Variants in VWF observed in about 807,000 individuals in gnomAD.
The protein encoded by VWF is von Willebrand factor, also known as Factor VIII related antigen.
A neutral mutation model predicts 308.6 loss-of-function variants in VWF; 176 were observed. The observed-to-expected ratio is 0.57, with a 90% CI of 0.50 to 0.65. The LOEUF (loss-of-function observed/expected upper bound fraction) is 0.65. Among genes scored for constraint, VWF ranks in the 30% least tolerant of loss-of-function variants. The pLI, the probability that VWF is intolerant of heterozygous loss-of-function variation, is 0.00. For synonymous variants in VWF, 1,385 were observed against 1,443.4 expected, an observed-to-expected ratio of 0.96 and a Z score of 0.92; for missense variants, 3,146 against 3,648.2, an observed-to-expected ratio of 0.86 and a Z score of 3.55.
intron 38 of VWF, among the ~76,000 whole-genome samples, chr12:5,986,010 G>A (rs1943676602): frequency 6.6e-6 from 1 of 152,088 alleles, no homozygotes; most frequent in Non-Finnish European, 1.5e-5. Flanking sequence ...TGTTGCTTGG[G>A]GAAAAAAATC....
chr12:5,972,324 G>C (rs1418788727), intron 43 of VWF, among the ~76,000 whole-genome samples: 1 of 152,206 alleles, frequency 6.6e-6, no homozygotes, highest in Non-Finnish European at 1.5e-5. Context: ...AGCCCATCTT[G>C]CCTCTAGAAG....
intron 50 of VWF, 93 bp downstream of exon 50, chr12:5,951,751 G>A (rs577810234): frequency 3.3e-5 from 44 of 1,329,814 alleles, no homozygotes; most frequent in Non-Finnish European, 3.6e-5. Context: ...ACAGTCATGC[G>A]GCTTGCTAAT....
At chr12:5,999,292 G>C (rs1438397145) in intron 34 of VWF, among the ~76,000 whole-genome samples, 1 of 152,008 alleles carries the variant, frequency 6.6e-6, no homozygotes, top group Non-Finnish European at 1.5e-5. Context: ...AAAAACACAC[G>C]CAATATTTGG....
intron 6 of VWF, among the ~76,000 whole-genome samples, chr12:6,092,846 T>C (rs192635676): frequency 1.3e-5 from 2 of 152,230 alleles, no homozygotes; most frequent in Admixed American, 6.5e-5. Flanking sequence ...ATGTGGGACA[T>C]ATGTAACATG....
intron 5 of VWF, among the ~76,000 whole-genome samples, chr12:6,099,302 G>C (rs1014649223): frequency 7.7e-6 from 1 of 129,524 alleles, no homozygotes; most frequent in African/African-American, 2.9e-5. Flanking sequence ...CTGGGGGACA[G>C]AGCAAGACTC....
intron 47 of VWF, among the ~76,000 whole-genome samples, chr12:5,964,282 A>ACATG (rs1457521789): frequency 4.2e-5 from 6 of 143,366 alleles, no homozygotes; most frequent in African/African-American, 1.8e-4. Flanking sequence ...ATGCATACAT[A>ACATG]CATGCATACA....
intron 2 of VWF, chr12:6,122,756 A>G (rs371848807): frequency 2.4e-5 from 13 of 539,890 alleles, no homozygotes; most frequent in African/African-American, 2.1e-4. Context: ...ACTTTGGAGC[A>G]GTCATTTCTC....
At chr12:5,986,135 T>G (rs892459121) in intron 38 of VWF, among the ~76,000 whole-genome samples, 1 of 152,208 alleles carries the variant, frequency 6.6e-6, no homozygotes, top group Middle Eastern at 3.4e-3. Context: ...GAGGCCTGAG[T>G]GCAGTTCTCT....
At chr12:5,964,016 G>A (rs1051877726) in intron 47 of VWF, among the ~76,000 whole-genome samples, 5 of 146,210 alleles carry the variant, frequency 3.4e-5, no homozygotes, top group African/African-American at 5.6e-5. Flanking sequence ...GACCATTCTG[G>A]TTAACACGGT....
At position 6,021,988 on chromosome 12, in the gene VWF, A is replaced by G. The variant is rs61749365; in HGVS notation, c.3586T>C (p.Cys1196Arg). The change falls in exon 27 of 52, where the codon TGT (cysteine) becomes CGT (arginine). Residue 1196 changes from cysteine (C) to arginine (R), a missense_variant. Physicochemically the swap from Cys to Arg is radical, Grantham distance 180. Around this residue, in one of 3 missense-constraint regions of VWF, gnomAD observed 853 missense variants for 1,177.8 expected, o/e 0.72. Transcript: ENST00000261405. Reference sequence around the variant, plus strand: ...CGGCCAGCCACCTCACACACTGGACAGTCTTCAGGGTCAACGCAGGTCTGC... The same window carrying G: ...CGGCCAGCCACCTCACACACTGGACGGTCTTCAGGGTCAACGCAGGTCTGC... ...LLQTCVDPED[C>R]PVCEVAGRRF... The G allele has an allele frequency of 1.2e-6, 2 of 1,614,220 alleles. No individual in the cohort carries two copies. The highest frequency in any genetic ancestry group is 1.1e-5 in the South Asian group (1 of 91,084).
intron 43 of VWF, among the ~76,000 whole-genome samples, chr12:5,972,784 C>T (rs1421141404): frequency 1.3e-5 from 2 of 152,090 alleles, no homozygotes; most frequent in African/African-American, 4.8e-5. Flanking sequence ...GAGGAGACAA[C>T]AAATTAGGAT....
intron 34 of VWF, 143 bp from the exon 35 acceptor site, chr12:5,996,365 T>A (rs1943809006): frequency 1.3e-6 from 1 of 756,812 alleles, no homozygotes; most frequent in African/African-American, 1.7e-5. Context: ...TATAGAACAA[T>A]TTCCTCCTTT....
chr12:6,092,624 T>TGAGAGTGAGAGTGAGAGAGAGAGA (rs1180180618), intron 6 of VWF, among the ~76,000 whole-genome samples: 8 of 87,068 alleles, frequency 9.2e-5, no homozygotes, highest in African/African-American at 5.1e-4. Context: ...TGAGAGTGTG[T>TGAGAGTGAGAGTGAGAGAGAGAGA]GTGTGTGTGT....
At chr12:6,017,010 G>A in intron 28 of VWF, 140 bp from the exon 29 acceptor site, 3 of 857,938 alleles carry the variant, frequency 3.5e-6, no homozygotes, top group Non-Finnish European at 5.9e-6. Context: ...GTGCCTTCGT[G>A]AGTACAAGGG....
At chr12:6,122,274 G>C (rs1945440798) in intron 2 of VWF, among the ~76,000 whole-genome samples, 1 of 152,124 alleles carries the variant, frequency 6.6e-6, no homozygotes, top group South Asian at 2.1e-4. Flanking sequence ...TAATATTATA[G>C]ATAGATTGCA....
In VWF at chr12:6,024,422, C is replaced by T. The variant is rs1417971742; in HGVS notation, c.3223-635G>A. ...ACTGAGTGGGTCATTGTTTCCAAGA[C>T]GTTCCAACAGTCTCAATGTCCCCAA... is the stretch of plus-strand genomic sequence containing the variant. On this transcript the variant is annotated intron_variant, in intron 24 of 51. Transcript: ENST00000261405. The surrounding 1 kb of genome is among the most constrained non-coding windows in gnomAD (Gnocchi z 4.0). Among the ~76,000 whole-genome samples the T allele has an allele frequency of 1.8e-4, 28 of 152,338 alleles. No homozygotes were observed. Among genetic ancestry groups the T allele is most frequent in the South Asian group, 2.1e-4 (1 of 4,830 alleles).
intron 47 of VWF, among the ~76,000 whole-genome samples, chr12:5,955,614 T>C (rs1393428362): frequency 1.3e-5 from 2 of 152,020 alleles, no homozygotes; most frequent in African/African-American, 2.4e-5. Context: ...ATCCAGTCTA[T>C]CATTGTTGGA....
chr12:6,072,870 CT>C (rs11386491), intron 8 of VWF, among the ~76,000 whole-genome samples: 17 of 146,378 alleles, frequency 1.2e-4, no homozygotes, highest in Admixed American at 4.1e-4. Flanking sequence ...CTCTCAATAA[CT>C]TTTTTTTTTT....
intron 6 of VWF, among the ~76,000 whole-genome samples, chr12:6,092,616 A>AGTGAGAGAGAGAGAGAGAGAGAGTGT (rs796249343): frequency 3.1e-5 from 3 of 96,622 alleles, no homozygotes; most frequent in Non-Finnish European, 2.1e-5. Flanking sequence ...TGAGTGAGTG[A>AGTGAGAGAGAGAGAGAGAGAGAGTGT]GAGTGTGTGT....
Sources: gnomAD v4.1 joint callset for allele counts (sites outside exome capture counted in the v4.1 genomes callset) on GRCh38, gnomAD v4.1.1 for gene constraint, gnomAD v4.1.1 regional missense constraint, Gnocchi (gnomAD v3.1) non-coding constraint, MANE v1.5 for transcripts, NCBI Gene and HGNC (gene_info 2026-07-23, HGNC 2026-07-21) for gene names.